The following CTNNA3 variants were observed in gnomAD, a reference collection of about 807,000 sequenced individuals.
CTNNA3 encodes the protein catenin alpha-3.
A neutral mutation model predicts 95.7 loss-of-function variants in CTNNA3; 76 were observed. The ratio of observed to expected loss-of-function variants is 0.79; its 90% CI spans 0.66 to 0.96. CTNNA3 has a LOEUF of 0.96. CTNNA3 is among the 40% of genes least tolerant of loss of function. CTNNA3 has a pLI of 0.00. For missense variants in CTNNA3, 1,191 were observed against 1,089.8 expected, an observed-to-expected ratio of 1.09 and a Z score of -1.31; for synonymous variants, 431 against 374.4, an observed-to-expected ratio of 1.15 and a Z score of -1.74.
rs570840175 is a variant in CTNNA3 at position 67,104,027 on chromosome 10, C to T, written c.1047+76290G>A. On this transcript the variant is annotated intron_variant, in intron 7 of 17. Coordinates refer to ENST00000433211, the MANE Select transcript of CTNNA3 (RefSeq NM_013266.4). The stretch of plus-strand genomic sequence containing the variant: ...AATATTGATGTCATATTTTTATTTC[C>T]AATCATCTTAGCCCTTTTATAAATT... 3.7e-3 allele frequency among the ~76,000 whole-genome samples: 563 copies of T among 151,474 alleles called. 1 individual carries two copies. The highest frequency in any genetic ancestry group is 0.013 in the African/African-American group (529 of 41,348).
At chr10:67,187,593 T>C (rs926200078) in intron 6 of CTNNA3, among the ~76,000 whole-genome samples, 4 of 151,996 alleles carry the variant, frequency 2.6e-5, no homozygotes, top group African/African-American at 9.7e-5. Flanking sequence ...TCTTTCTTTT[T>C]TGAAAAAAAT....
At chr10:66,619,832 T>C (rs2132311966) in intron 10 of CTNNA3, among the ~76,000 whole-genome samples, 1 of 152,236 alleles carries the variant, frequency 6.6e-6, no homozygotes, top group South Asian at 2.1e-4. Context: ...TATAAACTTG[T>C]ACATGTGTAC....
intron 7 of CTNNA3, among the ~76,000 whole-genome samples, chr10:66,782,145 C>T (rs922777251): frequency 2.0e-5 from 3 of 152,080 alleles, no homozygotes; most frequent in Non-Finnish European, 2.9e-5. Flanking sequence ...TGACTTAATC[C>T]TCAAAGTCTT....
At chr10:67,267,196 A>G (rs894847283) in intron 5 of CTNNA3, among the ~76,000 whole-genome samples, 2 of 152,198 alleles carry the variant, frequency 1.3e-5, no homozygotes, top group Non-Finnish European at 2.9e-5. Context: ...TATAAGAACA[A>G]ACTGTAGCCA....
At chr10:66,900,231 G>T (rs745398862) in intron 7 of CTNNA3, among the ~76,000 whole-genome samples, 1 of 152,092 alleles carries the variant, frequency 6.6e-6, no homozygotes, top group African/African-American at 2.4e-5. Flanking sequence ...AGGCAAAAGG[G>T]GCTGGAGTGG....
At chr10:67,739,200 G>A (rs1841320665) in intron 1 of CTNNA3, among the ~76,000 whole-genome samples, 1 of 152,138 alleles carries the variant, frequency 6.6e-6, no homozygotes, top group Non-Finnish European at 1.5e-5. Context: ...GAGAAAGGTT[G>A]GGTTACCCAC....
intron 4 of CTNNA3, among the ~76,000 whole-genome samples, chr10:67,526,211 G>A (rs144217886): frequency 2.0e-5 from 3 of 152,096 alleles, no homozygotes; most frequent in African/African-American, 7.2e-5. Flanking sequence ...TACAGAGAAA[G>A]AAATTATTTA....
intron 15 of CTNNA3, among the ~76,000 whole-genome samples, chr10:66,018,330 A>G (rs936573499): frequency 1.3e-5 from 2 of 152,148 alleles, no homozygotes; most frequent in Admixed American, 6.5e-5. Flanking sequence ...AGTTTTATTC[A>G]GTAAAGCATT....
At chr10:66,271,680 G>C (rs542794267) in intron 13 of CTNNA3, among the ~76,000 whole-genome samples, 24 of 152,242 alleles carry the variant, frequency 1.6e-4, no homozygotes, top group African/African-American at 5.5e-4. Context: ...CAGCTACTTT[G>C]AGTCAAAAGC....
intron 7 of CTNNA3, among the ~76,000 whole-genome samples, chr10:66,882,766 G>A (rs374665539): frequency 6.6e-6 from 1 of 151,910 alleles, no homozygotes; most frequent in African/African-American, 2.4e-5. Flanking sequence ...ATTGAGAGAA[G>A]TGAAATAATT....
intron 5 of CTNNA3, among the ~76,000 whole-genome samples, chr10:67,337,718 T>C (rs1842045214): frequency 6.6e-6 from 1 of 152,192 alleles, no homozygotes; most frequent in Non-Finnish European, 1.5e-5. Flanking sequence ...ACTATTACCC[T>C]GATCAATCAA....
At chr10:66,455,844 T>G (rs1010109448) in intron 11 of CTNNA3, among the ~76,000 whole-genome samples, 1 of 152,128 alleles carries the variant, frequency 6.6e-6, no homozygotes, top group African/African-American at 2.4e-5. Context: ...AGCCCCAATT[T>G]TGGGGCTCAC....
intron 1 of CTNNA3, chr10:67,750,727 G>A (rs1261394039): frequency 6.3e-7 from 1 of 1,580,096 alleles, no homozygotes; most frequent in Non-Finnish European, 8.7e-7. Flanking sequence ...GGAGGAGCTG[G>A]TGGATGAGGG....
chr10:66,360,792 C>CTTTCTTT (rs2092661682), intron 12 of CTNNA3, among the ~76,000 whole-genome samples: 1 of 43,916 alleles, frequency 2.3e-5, no homozygotes, highest in African/African-American at 8.1e-5. Flanking sequence ...TTTCTTCCTT[C>CTTTCTTT]CTTCCTTCCT....
intron 13 of CTNNA3, among the ~76,000 whole-genome samples, chr10:66,165,701 T>C (rs1480708719): frequency 6.6e-6 from 1 of 152,072 alleles, no homozygotes; most frequent in Non-Finnish European, 1.5e-5. Flanking sequence ...TACCATCTTA[T>C]TATATATGTG....
At chr10:67,502,377 CAG>C (rs1169580127) in intron 5 of CTNNA3, among the ~76,000 whole-genome samples, 1 of 152,136 alleles carries the variant, frequency 6.6e-6, no homozygotes, top group Admixed American at 6.5e-5. Flanking sequence ...AGATGCCAGT[CAG>C]AGCTCTTCTG....
At chr10:66,219,659 C>T (rs1243093619) in intron 13 of CTNNA3, among the ~76,000 whole-genome samples, 1 of 151,906 alleles carries the variant, frequency 6.6e-6, no homozygotes, top group Non-Finnish European at 1.5e-5. Flanking sequence ...CTCTAGCCAA[C>T]ACCTCGATTG....
intron 7 of CTNNA3, among the ~76,000 whole-genome samples, chr10:67,011,625 C>A (rs1234554938): frequency 6.6e-6 from 1 of 151,984 alleles, no homozygotes; most frequent in Non-Finnish European, 1.5e-5. Context: ...TAGAATTTCA[C>A]CCTAGGCTAT....
At chr10:66,538,458 G>T (rs1461203346) in intron 10 of CTNNA3, among the ~76,000 whole-genome samples, 1 of 152,102 alleles carries the variant, frequency 6.6e-6, no homozygotes, top group Non-Finnish European at 1.5e-5. Flanking sequence ...TGGATCTATG[G>T]AATTTGAACT....
Sources: gnomAD v4.1 joint callset for allele counts (sites outside exome capture counted in the v4.1 genomes callset) on GRCh38, gnomAD v4.1.1 for gene constraint, MANE v1.5 for transcripts, NCBI Gene and HGNC (gene_info 2026-07-23, HGNC 2026-07-21) for gene names.